The following KCNH5 variants were observed in gnomAD, a reference collection of about 807,000 sequenced individuals.
KCNH5 encodes voltage-gated delayed rectifier potassium channel KCNH5.
Under a neutral mutation model 96.1 loss-of-function variants are expected in KCNH5, and 46 were observed. The ratio of observed to expected loss-of-function variants is 0.48; its 90% CI spans 0.38 to 0.61. The LOEUF (loss-of-function observed/expected upper bound fraction) is 0.61. Ranked by LOEUF, KCNH5 falls within the 20% of genes least tolerant of loss-of-function variation. The pLI, the probability that KCNH5 is intolerant of heterozygous loss-of-function variation, is 0.00. For missense variants in KCNH5, 907 were observed against 1,225.8 expected (o/e 0.74, Z 3.88); for synonymous variants, 439 against 449.8 (o/e 0.98, Z 0.30).
intron 9 of KCNH5, among the ~76,000 whole-genome samples, chr14:62,786,994 C>A (rs1261568282): frequency 6.6e-6 from 1 of 152,116 alleles, no homozygotes. Context: ...CAACCAGCAA[C>A]CTTAAAATGG....
At chr14:63,029,244 A>G (rs1002772921) in intron 1 of KCNH5, among the ~76,000 whole-genome samples, 17 of 152,156 alleles carry the variant, frequency 1.1e-4, no homozygotes, top group Non-Finnish European at 2.2e-4. Context: ...ATATACCACA[A>G]GGAGCCCTGA....
intron 8 of KCNH5, among the ~76,000 whole-genome samples, chr14:62,834,066 T>C (rs1186333053): frequency 6.6e-6 from 1 of 152,060 alleles, no homozygotes; most frequent in Non-Finnish European, 1.5e-5. Context: ...TTATTTATCT[T>C]TTAGAAGACT....
At chr14:62,989,018 T>TAC (rs149935435) in intron 4 of KCNH5, among the ~76,000 whole-genome samples, 6 of 145,990 alleles carry the variant, frequency 4.1e-5, no homozygotes, top group South Asian at 2.1e-4. Context: ...CACTATTACC[T>TAC]ACACACACAC....
Position 62,922,235 on chromosome 14 carries a change from T to C in KCNH5, c.1369+27898A>G, listed in dbSNP as rs528223680. 3.9e-5 allele frequency among the ~76,000 whole-genome samples: 6 copies of C among 152,196 alleles called. No homozygotes were observed. The East Asian group carries it at 9.6e-4, about 24-fold the overall frequency. ...GTAGATAACTGCATTTATATCTATA[T>C]CTATAGCTCTATCTATAGCTACATC... On this transcript the variant is annotated intron_variant, in intron 7 of 10. Transcript: ENST00000322893.
At chr14:62,740,080 T>A (rs1437284342) in intron 10 of KCNH5, among the ~76,000 whole-genome samples, 4 of 152,072 alleles carry the variant, frequency 2.6e-5, no homozygotes, top group Non-Finnish European at 4.4e-5. Flanking sequence ...TTCACACATT[T>A]AAACAGGTCA....
rs538933325 is a variant in KCNH5, at chr14:62,714,165, C to T, written c.2020-5710G>A. Among the ~76,000 whole-genome samples the T allele has an allele frequency of 7.9e-5, 12 of 151,890 alleles. No individual in the cohort carries two copies. The South Asian group carries it at 1.5e-3, about 19-fold the overall frequency. ...ATAGATATGCATGGTGGTGCATGCC[C>T]GTGGTCCTAGCTACTTGGGAGGCTG... On this transcript the variant is annotated intron_variant, in intron 10 of 10. Transcript: ENST00000322893.
intron 7 of KCNH5, among the ~76,000 whole-genome samples, chr14:62,893,808 T>C (rs1488789845): frequency 6.6e-6 from 1 of 152,216 alleles, no homozygotes; most frequent in Non-Finnish European, 1.5e-5. Flanking sequence ...TTGAAAGAAA[T>C]GACTCTAGTT....
chr14:62,712,535 C>G, intron 10 of KCNH5: 1 of 658,528 alleles, frequency 1.5e-6, no homozygotes, highest in Non-Finnish European at 2.8e-6. Context: ...GATGCAAATC[C>G]AAGGGGTCAG....
At chr14:62,907,661 T>C (rs985020786) in intron 7 of KCNH5, among the ~76,000 whole-genome samples, 1 of 152,186 alleles carries the variant, frequency 6.6e-6, no homozygotes, top group Non-Finnish European at 1.5e-5. Context: ...GTAACAGGTA[T>C]AGAAAACTAA....
At chr14:62,716,728 T>A (rs377319089) in intron 10 of KCNH5, among the ~76,000 whole-genome samples, 6 of 152,120 alleles carry the variant, frequency 3.9e-5, no homozygotes, top group African/African-American at 1.4e-4. Flanking sequence ...TTCCCCCTAA[T>A]ATCAGCAAAG....
chr14:63,003,492 TTA>T (rs1174120747), intron 3 of KCNH5, among the ~76,000 whole-genome samples: 179 of 125,360 alleles, frequency 1.4e-3, no homozygotes, highest in African/African-American at 4.4e-3. Context: ...TTTATATATA[TTA>T]TATATATATT....
chr14:62,865,838 T>C (rs991816829), intron 7 of KCNH5, among the ~76,000 whole-genome samples: 6 of 152,200 alleles, frequency 3.9e-5, no homozygotes, highest in African/African-American at 1.2e-4. Flanking sequence ...TAAAGTTAAT[T>C]GTTGGTAAGC....
chr14:62,871,295 G>A (rs1179564987), intron 7 of KCNH5, among the ~76,000 whole-genome samples: 1 of 152,126 alleles, frequency 6.6e-6, no homozygotes, highest in African/African-American at 2.4e-5. Flanking sequence ...GCTACATAGG[G>A]TGCTATAAGA....
At chr14:62,760,657 A>T (rs780548537) in intron 10 of KCNH5, among the ~76,000 whole-genome samples, 3 of 152,248 alleles carry the variant, frequency 2.0e-5, no homozygotes, top group Non-Finnish European at 4.4e-5. Flanking sequence ...TTCAGAGAGA[A>T]GAGACAGAAA....
chr14:62,802,548 C>T lies in KCNH5; in HGVS notation c.1603G>A (p.Asp535Asn), dbSNP rs1281186918. The T allele has an allele frequency of 1.2e-6, 2 of 1,613,992 alleles. No individual in the cohort carries two copies. The highest frequency in any genetic ancestry group is 1.7e-6 in the Non-Finnish European group (2 of 1,180,000). Reference sequence around the variant, plus strand: ...TTCCGGTTTAGATGAACACAGATATCAGCTCTCATGTCCTTGGGACAGATG... The same window carrying T: ...TTCCGGTTTAGATGAACACAGATATTAGCTCTCATGTCCTTGGGACAGATG... ...LSICPKDMRA[D>N]ICVHLNRKVF... The change falls in exon 9 of 11, where the codon GAT becomes AAT. Residue 535 changes from aspartate (D) to asparagine (N), a missense_variant. Coordinates refer to ENST00000322893, the MANE Select transcript of KCNH5 (RefSeq NM_139318.5).
At chr14:62,800,221 A>T (rs1332725503) in intron 9 of KCNH5, among the ~76,000 whole-genome samples, 1 of 152,142 alleles carries the variant, frequency 6.6e-6, no homozygotes, top group Non-Finnish European at 1.5e-5. Flanking sequence ...AGATGTGAAA[A>T]GTCTCTGAAT....
intron 4 of KCNH5, among the ~76,000 whole-genome samples, chr14:63,000,170 A>AT (rs920013257): frequency 2.0e-4 from 30 of 152,212 alleles, no homozygotes; most frequent in Admixed American, 1.5e-3. Flanking sequence ...ACTTACTGTG[A>AT]TTTTTTCTAT....
chr14:62,768,167 A>G (rs1011320044), intron 10 of KCNH5, among the ~76,000 whole-genome samples: 3 of 152,148 alleles, frequency 2.0e-5, no homozygotes, highest in Non-Finnish European at 2.9e-5. Context: ...TAAGCCATAT[A>G]CTCATATAAC....
intron 8 of KCNH5, among the ~76,000 whole-genome samples, chr14:62,817,208 A>ATTATATATTATATATAATATAAT (rs1887002410): frequency 7.2e-6 from 1 of 138,546 alleles, no homozygotes; most frequent in Non-Finnish European, 1.5e-5. Context: ...TATATCATAT[A>ATTATATATTATATATAATATAAT]TTATATATTA....
Sources: allele counts gnomAD v4.1 joint callset (sites outside exome capture counted in the v4.1 genomes callset), GRCh38; gene constraint gnomAD v4.1.1; transcripts MANE v1.5; gene names NCBI Gene and HGNC (gene_info 2026-07-23, HGNC 2026-07-21).